The following CAMK1D variants were observed in gnomAD, a reference collection of about 807,000 sequenced individuals.
The protein encoded by CAMK1D is calcium/calmodulin dependent protein kinase ID.
Under a neutral mutation model 47.7 loss-of-function variants are expected in CAMK1D, and 9 were observed. That is an observed-to-expected ratio of 0.19 (90% CI 0.11 to 0.33). The LOEUF (loss-of-function observed/expected upper bound fraction) is 0.33, where lower values mean the gene tolerates loss of function less well. Ranked by LOEUF, CAMK1D falls within the 10% of genes least tolerant of loss-of-function variation. CAMK1D has a pLI of 1.00. For synonymous variants in CAMK1D, 184 were observed against 184.9 expected (o/e 0.99, Z 0.04); for missense variants, 291 against 488.7 (o/e 0.60, Z 3.81).
At chr10:12,428,151 T>C (rs1840315777) in intron 1 of CAMK1D, among the ~76,000 whole-genome samples, 1 of 152,108 alleles carries the variant, frequency 6.6e-6, no homozygotes, top group African/African-American at 2.4e-5. Flanking sequence ...TAGGTATATC[T>C]CCTAATGCTA....
intron 8 of CAMK1D, among the ~76,000 whole-genome samples, chr10:12,817,109 G>A (rs935150707): frequency 7.2e-5 from 11 of 152,112 alleles, no homozygotes; most frequent in Admixed American, 1.3e-4. Context: ...TCACTGTCAC[G>A]AGAACAGCAC....
At chr10:12,710,762 ATAAC>A (rs1415281183) in intron 3 of CAMK1D, among the ~76,000 whole-genome samples, 2 of 152,188 alleles carry the variant, frequency 1.3e-5, no homozygotes, top group African/African-American at 4.8e-5. Flanking sequence ...CTAAGAACAA[ATAAC>A]TAATCACACA....
At chr10:12,540,797 A>T (rs548516489) in intron 1 of CAMK1D, among the ~76,000 whole-genome samples, 1 of 152,328 alleles carries the variant, frequency 6.6e-6, no homozygotes, top group East Asian at 1.9e-4. Context: ...TTTCAGTAAG[A>T]AAGCGTAACT....
intron 2 of CAMK1D, among the ~76,000 whole-genome samples, chr10:12,579,979 G>A (rs1837612823): frequency 6.6e-6 from 1 of 152,178 alleles, no homozygotes; most frequent in Non-Finnish European, 1.5e-5. Flanking sequence ...CTCAGCCAGG[G>A]TGGAATCCTT....
At chr10:12,613,708 G>C (rs563065149) in intron 2 of CAMK1D, among the ~76,000 whole-genome samples, 3 of 152,138 alleles carry the variant, frequency 2.0e-5, no homozygotes, top group Admixed American at 6.5e-5. Flanking sequence ...TCGCACTCCT[G>C]ACCTCACGAT....
chr10:12,597,665 C>T (rs1838184637), intron 2 of CAMK1D, among the ~76,000 whole-genome samples: 2 of 152,180 alleles, frequency 1.3e-5, no homozygotes, highest in African/African-American at 4.8e-5. Flanking sequence ...TTGTAGCCTT[C>T]CTGACTTTAA....
At chr10:12,466,424 A>G (rs796979730) in intron 1 of CAMK1D, among the ~76,000 whole-genome samples, 5 of 151,308 alleles carry the variant, frequency 3.3e-5, no homozygotes, top group African/African-American at 1.2e-4. Context: ...AACAAACAAA[A>G]ATTTTTAAAA....
chr10:12,380,839 G>C (rs1838319541), intron 1 of CAMK1D, among the ~76,000 whole-genome samples: 1 of 152,168 alleles, frequency 6.6e-6, no homozygotes, highest in African/African-American at 2.4e-5. Flanking sequence ...CTGGGCAACA[G>C]AGCAAGACTC....
intron 1 of CAMK1D, among the ~76,000 whole-genome samples, chr10:12,376,169 A>C (rs1358860378): frequency 6.6e-6 from 1 of 150,458 alleles, no homozygotes; most frequent in Non-Finnish European, 1.5e-5. Flanking sequence ...TCCCAAAAAA[A>C]AAAAAAAAAA....
chr10:12,615,297 G>C (rs1838747993), intron 2 of CAMK1D, among the ~76,000 whole-genome samples: 1 of 152,196 alleles, frequency 6.6e-6, no homozygotes, highest in Non-Finnish European at 1.5e-5. Context: ...ATTAAGATTT[G>C]TTGCATTTTA....
intron 1 of CAMK1D, among the ~76,000 whole-genome samples, chr10:12,545,973 T>C (rs1270062998): frequency 6.6e-6 from 1 of 152,110 alleles, no homozygotes; most frequent in East Asian, 1.9e-4. Context: ...AGCTGACATG[T>C]GTACGGCGTG....
intron 3 of CAMK1D, among the ~76,000 whole-genome samples, chr10:12,738,843 A>G (rs1835295482): frequency 6.6e-6 from 1 of 152,092 alleles, no homozygotes; most frequent in Non-Finnish European, 1.5e-5. Flanking sequence ...AAATAAATAA[A>G]TAAATAAAAA....
intron 1 of CAMK1D, among the ~76,000 whole-genome samples, chr10:12,534,810 C>T (rs1027489283): frequency 1.3e-5 from 2 of 152,134 alleles, no homozygotes; most frequent in African/African-American, 2.4e-5. Flanking sequence ...TGTCCTCCTC[C>T]AGAACCTTGG....
chr10:12,401,813 G>C (rs1839235053), intron 1 of CAMK1D, among the ~76,000 whole-genome samples: 1 of 151,770 alleles, frequency 6.6e-6, no homozygotes, highest in South Asian at 2.1e-4. Context: ...GTCTGTTTTG[G>C]CATTCAGGCA....
chr10:12,532,610 G>A (rs1835845754), intron 1 of CAMK1D, among the ~76,000 whole-genome samples: 1 of 152,128 alleles, frequency 6.6e-6, no homozygotes, highest in South Asian at 2.1e-4. Flanking sequence ...GACCTTTCTG[G>A]AAATCAGTGT....
At chr10:12,437,764 C>T (rs187216136) in intron 1 of CAMK1D, among the ~76,000 whole-genome samples, 3 of 152,288 alleles carry the variant, frequency 2.0e-5, no homozygotes, top group East Asian at 1.9e-4. Flanking sequence ...CCACCATGAT[C>T]GTATCATACA....
chr10:12,569,786 A>G (rs1837265086), intron 2 of CAMK1D, among the ~76,000 whole-genome samples: 2 of 152,028 alleles, frequency 1.3e-5, no homozygotes, highest in Non-Finnish European at 2.9e-5. Flanking sequence ...AGGAAAAGGA[A>G]TATTTTTAAG....
intron 4 of CAMK1D, among the ~76,000 whole-genome samples, chr10:12,761,463 T>C (rs892059898): frequency 2.0e-5 from 3 of 151,932 alleles, no homozygotes; most frequent in Non-Finnish European, 4.4e-5. Flanking sequence ...TCCAGCCCCA[T>C]TGCAGCACAA....
chr10:12,410,660 G>C (rs141763520), intron 1 of CAMK1D, among the ~76,000 whole-genome samples: 1 of 152,150 alleles, frequency 6.6e-6, no homozygotes, highest in Non-Finnish European at 1.5e-5. Context: ...ATGAGGCACT[G>C]GGGCATATAT....
Sources: gnomAD v4.1 joint callset for allele counts (sites outside exome capture counted in the v4.1 genomes callset) on GRCh38, gnomAD v4.1.1 for gene constraint, MANE v1.5 for transcripts, NCBI Gene and HGNC (gene_info 2026-07-23, HGNC 2026-07-21) for gene names.